Variants in DGKB observed in about 807,000 individuals in gnomAD.
The protein encoded by DGKB is diacylglycerol kinase beta, also known as 90 kDa diacylglycerol kinase.
DGKB carries 67 observed loss-of-function variants against 114.3 expected under a neutral mutation model. The observed-to-expected ratio is 0.59, with a 90% CI of 0.48 to 0.72. The LOEUF (loss-of-function observed/expected upper bound fraction) is 0.72. DGKB is among the 30% of genes least tolerant of loss of function. The pLI is 0.00. For missense variants in DGKB, 907 were observed against 975.2 expected, an observed-to-expected ratio of 0.93 and a Z score of 0.93; for synonymous variants, 398 against 323.1, an observed-to-expected ratio of 1.23 and a Z score of -2.49.
At chr7:14,228,220 GGGT>G (rs1791133607) in intron 23 of DGKB, among the ~76,000 whole-genome samples, 1 of 151,876 alleles carries the variant, frequency 6.6e-6, no homozygotes, top group Non-Finnish European at 1.5e-5. Context: ...GTAGAACACA[GGGT>G]AGAAACAGCT....
intron 17 of DGKB, among the ~76,000 whole-genome samples, chr7:14,592,200 G>A (rs1269186175): frequency 6.6e-6 from 1 of 151,690 alleles, no homozygotes; most frequent in African/African-American, 2.4e-5. Context: ...TCTATACATG[G>A]TGAATGCTCG....
chr7:14,963,734 G>C (rs1562907939), intron 1 of DGKB, among the ~76,000 whole-genome samples: 2 of 152,098 alleles, frequency 1.3e-5, no homozygotes, highest in Admixed American at 6.6e-5. Context: ...CTGGTTTTAA[G>C]TATGTGCTAA....
chr7:14,974,057 G>C (rs865880677), intron 1 of DGKB, among the ~76,000 whole-genome samples: 3 of 151,748 alleles, frequency 2.0e-5, no homozygotes, highest in Non-Finnish European at 4.4e-5. Flanking sequence ...AAACATTACT[G>C]GGAAAATTGC....
intron 13 of DGKB, among the ~76,000 whole-genome samples, chr7:14,663,813 G>A (rs1032567327): frequency 2.7e-5 from 3 of 111,070 alleles, no homozygotes; most frequent in Non-Finnish European, 6.7e-5. Context: ...GAACCAGTGT[G>A]CAAAAAAAAA....
At chr7:14,785,213 T>C (rs1006914270) in intron 2 of DGKB, among the ~76,000 whole-genome samples, 12 of 152,188 alleles carry the variant, frequency 7.9e-5, no homozygotes, top group African/African-American at 2.7e-4. Flanking sequence ...ATATAAAATA[T>C]GGCACTTTAA....
intron 21 of DGKB, among the ~76,000 whole-genome samples, chr7:14,477,892 A>C (rs543848692): frequency 6.6e-6 from 1 of 152,168 alleles, no homozygotes; most frequent in African/African-American, 2.4e-5. Flanking sequence ...TAAAACTATT[A>C]ATTTCATGTT....
intron 2 of DGKB, among the ~76,000 whole-genome samples, chr7:14,811,042 G>A (rs1843372033): frequency 6.6e-6 from 1 of 152,096 alleles, no homozygotes; most frequent in Non-Finnish European, 1.5e-5. Context: ...TACAGTTTCA[G>A]ATGTTTTAAA....
intron 1 of DGKB, among the ~76,000 whole-genome samples, chr7:14,942,218 T>C (rs556152487): frequency 6.6e-6 from 1 of 152,024 alleles, no homozygotes; most frequent in African/African-American, 2.4e-5. Context: ...GTAATCTGAC[T>C]ATTGCTAATG....
intron 19 of DGKB, among the ~76,000 whole-genome samples, chr7:14,578,110 T>C (rs1799430930): frequency 6.6e-6 from 1 of 152,134 alleles, no homozygotes; most frequent in Admixed American, 6.5e-5. Flanking sequence ...TCTCATGAGA[T>C]CTGATGGTTT....
At chr7:14,346,151 G>A (rs1812435730) in intron 21 of DGKB, among the ~76,000 whole-genome samples, 1 of 151,648 alleles carries the variant, frequency 6.6e-6, no homozygotes. Context: ...TGGTATTCGA[G>A]TATGTCTCTC....
chr7:14,390,245 A>G (rs2128705485), intron 21 of DGKB, among the ~76,000 whole-genome samples: 1 of 152,268 alleles, frequency 6.6e-6, no homozygotes, highest in Admixed American at 6.5e-5. Context: ...TGAACAGTAA[A>G]AGCTATCAGA....
intron 21 of DGKB, among the ~76,000 whole-genome samples, chr7:14,374,927 A>T (rs1818251801): frequency 6.6e-6 from 1 of 152,214 alleles, no homozygotes; most frequent in South Asian, 2.1e-4. Flanking sequence ...CTGTTGCCTT[A>T]GAAACTTCAT....
chr7:14,913,682 G>A (rs1021964686), intron 1 of DGKB, among the ~76,000 whole-genome samples: 2 of 151,774 alleles, frequency 1.3e-5, no homozygotes, highest in African/African-American at 4.8e-5. Flanking sequence ...TTTTCCTGGG[G>A]TAGTTGACAT....
chr7:14,937,766 C>A (rs1785351629), intron 1 of DGKB, among the ~76,000 whole-genome samples: 1 of 137,596 alleles, frequency 7.3e-6, no homozygotes, highest in South Asian at 2.3e-4. Context: ...GCAAAAACAA[C>A]CATATACTTC....
At chr7:14,621,320 T>G (rs982144022) in intron 15 of DGKB, 58 bp downstream of exon 15, 2 of 1,017,186 alleles carry the variant, frequency 2.0e-6, no homozygotes, top group Non-Finnish European at 3.0e-6. Flanking sequence ...TATGCCCCTT[T>G]AGAGCCTAGA....
chr7:14,668,698 T>G (rs1344929496), intron 13 of DGKB, among the ~76,000 whole-genome samples: 2 of 152,188 alleles, frequency 1.3e-5, no homozygotes, highest in Non-Finnish European at 2.9e-5. Context: ...TTGACTTCAC[T>G]GTAATTTACA....
At chr7:14,896,948 G>A (rs979387310) in intron 1 of DGKB, among the ~76,000 whole-genome samples, 22 of 151,696 alleles carry the variant, frequency 1.5e-4, no homozygotes, top group African/African-American at 5.3e-4. Context: ...CACAACTTGG[G>A]ATTCTAAAAG....
intron 1 of DGKB, among the ~76,000 whole-genome samples, chr7:14,930,525 T>C (rs1411068383): frequency 6.6e-6 from 1 of 152,196 alleles, no homozygotes; most frequent in South Asian, 2.1e-4. Flanking sequence ...CATTATTATA[T>C]AAAAGTGCTA....
chr7:14,639,796 C>G (rs139309059), intron 13 of DGKB, among the ~76,000 whole-genome samples: 1 of 152,232 alleles, frequency 6.6e-6, no homozygotes, highest in East Asian at 1.9e-4. Context: ...TTTCTCCCTC[C>G]ATAAATCACA....
Sources: gnomAD v4.1 joint callset for allele counts (sites outside exome capture counted in the v4.1 genomes callset) on GRCh38, gnomAD v4.1.1 for gene constraint, MANE v1.5 for transcripts, NCBI Gene and HGNC (gene_info 2026-07-23, HGNC 2026-07-21) for gene names.